AP4E1: variants seen among roughly 807,000 people sequenced by gnomAD.
The protein encoded by AP4E1 is adaptor related protein complex 4 subunit epsilon 1, also known as AP-4 complex subunit epsilon-1.
Under a neutral mutation model 128.2 loss-of-function variants are expected in AP4E1, and 56 were observed. The ratio of observed to expected loss-of-function variants is 0.44; its 90% CI spans 0.35 to 0.55. The LOEUF (loss-of-function observed/expected upper bound fraction) is 0.55. Among genes scored for constraint, AP4E1 ranks in the 20% least tolerant of loss-of-function variants. The pLI is 0.00. For synonymous variants in AP4E1, 484 were observed against 473.1 expected (o/e 1.02, Z -0.30); for missense variants, 1,324 against 1,307.7 (o/e 1.01, Z -0.19).
intron 15 of AP4E1, among the ~76,000 whole-genome samples, chr15:50,970,101 C>G (rs1213141993): frequency 6.6e-6 from 1 of 152,110 alleles, no homozygotes; most frequent in East Asian, 1.9e-4. Context: ...TTACCCCTAC[C>G]TTTCCTAGCG....
chr15:50,987,207 G>A (rs1365542450), intron 16 of AP4E1, among the ~76,000 whole-genome samples: 1 of 151,650 alleles, frequency 6.6e-6, no homozygotes, highest in Non-Finnish European at 1.5e-5. Flanking sequence ...TTTTTTATTA[G>A]TCTTGCTAGC....
chr15:50,941,951 C>G (rs892099140), intron 10 of AP4E1, among the ~76,000 whole-genome samples, 176 bp downstream of exon 10: 3 of 152,170 alleles, frequency 2.0e-5, no homozygotes, highest in African/African-American at 7.2e-5. Context: ...GAATCTCACT[C>G]TGTCACCCAG....
chr15:50,950,195 A>G (rs377334774), intron 13 of AP4E1, 26 bp downstream of exon 13: 11 of 1,446,112 alleles, frequency 7.6e-6, no homozygotes, highest in Middle Eastern at 3.6e-4. Flanking sequence ...TAAATCATAA[A>G]TTTTTATAAC....
rs2063714082 is a variant in AP4E1, at chr15:50,922,258, G to A, written c.347-1673G>A. The stretch of plus-strand genomic sequence containing the variant: ...TGAGGTGAAGGATTGCTTGAGCTTG[G>A]AAGGTAGAGGCTGCAGTGAGTTTTG... On this transcript the variant is annotated intron_variant, in intron 3 of 20. Transcript: ENST00000261842. 4.6e-5 allele frequency among the ~76,000 whole-genome samples: 7 copies of A among 151,964 alleles called. No homozygotes were observed. The South Asian group carries it at 1.5e-3, about 32-fold the overall frequency.
At chr15:50,972,633 A>G (rs896713740) in intron 15 of AP4E1, among the ~76,000 whole-genome samples, 13 of 152,042 alleles carry the variant, frequency 8.6e-5, no homozygotes, top group African/African-American at 3.1e-4. Flanking sequence ...CCTGTTTTCA[A>G]GTTTTGGATA....
Position 50,993,493 on chromosome 15 carries a change from G to T in AP4E1, c.2214G>T (p.Met738Ile). 1 of 1,613,960 alleles carries T rather than the reference G, an allele frequency of 6.2e-7. No homozygotes were observed. Among genetic ancestry groups the T allele is most frequent in the South Asian group, 1.1e-5 (1 of 91,082 alleles). Residue 738 changes from methionine to isoleucine, a missense_variant, in exon 17 of 21, where the codon ATG becomes ATT. Met to Ile is a conservative substitution (Grantham distance 10). Coordinates refer to ENST00000261842, the MANE Select transcript of AP4E1 (RefSeq NM_007347.5). ...TGCCTGTTCCTCAAGAGAGTATAATGGAGAATGTAGATCAAGCTATAACTA... is the reference window on the plus strand; with the variant it reads ...TGCCTGTTCCTCAAGAGAGTATAATTGAGAATGTAGATCAAGCTATAACTA... ...GALPVPQESI[M>I]ENVDQAITKK...
intron 3 of AP4E1, chr15:50,915,820 A>G: frequency 2.1e-6 from 1 of 477,568 alleles, no homozygotes; most frequent in Non-Finnish European, 3.8e-6. Context: ...TTAGATGACT[A>G]TATATGTCAG....
chr15:50,956,925 T>C (rs1041568211), intron 13 of AP4E1, among the ~76,000 whole-genome samples: 10 of 152,062 alleles, frequency 6.6e-5, no homozygotes, highest in African/African-American at 2.4e-4. Context: ...CGCGGGAGGG[T>C]GAGCATGCAG....
At chr15:50,975,741 T>G (rs966951659) in intron 15 of AP4E1, among the ~76,000 whole-genome samples, 8 of 152,204 alleles carry the variant, frequency 5.3e-5, no homozygotes, top group African/African-American at 1.4e-4. Flanking sequence ...AGCTTTGCTC[T>G]TTTTTCTCAA....
chr15:51,001,200 A>G lies in AP4E1; in HGVS notation c.3253+17A>G, dbSNP rs777740938. The G allele has an allele frequency of 6.2e-7, 1 of 1,610,010 alleles. No homozygotes were observed. The highest frequency in any genetic ancestry group is 1.1e-5 in the South Asian group (1 of 90,628). On this transcript the variant is annotated intron_variant, in intron 20 of 20. Coordinates refer to ENST00000261842, the MANE Select transcript of AP4E1 (RefSeq NM_007347.5). ...AGATTATAGGTTTGTAGAGTTATAAAAAGGCTATTCTGTGTTTATAGGAGC... is the reference window on the plus strand; with the variant it reads ...AGATTATAGGTTTGTAGAGTTATAAGAAGGCTATTCTGTGTTTATAGGAGC...
At chr15:50,941,317 A>G in intron 8 of AP4E1, 125 bp from the exon 9 acceptor site, 1 of 1,079,752 alleles carries the variant, frequency 9.3e-7, no homozygotes, top group Non-Finnish European at 1.4e-6. Context: ...TTCTGTGAAA[A>G]GTCCATAAAT....
intron 1 of AP4E1, among the ~76,000 whole-genome samples, chr15:50,910,065 G>A (rs1173963156): frequency 6.6e-6 from 1 of 152,004 alleles, no homozygotes; most frequent in Admixed American, 6.6e-5. Context: ...TGGCTCACTG[G>A]AGCGTCTGCC....
intron 13 of AP4E1, among the ~76,000 whole-genome samples, chr15:50,951,701 T>A (rs1364823185): frequency 6.6e-6 from 1 of 151,894 alleles, no homozygotes; most frequent in Non-Finnish European, 1.5e-5. Flanking sequence ...TACTTTTAGT[T>A]TAGTTTTTTC....
intron 11 of AP4E1, 89 bp downstream of exon 11, chr15:50,948,248 C>T (rs898130808): frequency 2.7e-6 from 4 of 1,490,956 alleles, no homozygotes; most frequent in Admixed American, 3.4e-5. Flanking sequence ...ACTTGCAAGT[C>T]GAGTTCAGAG....
At chr15:50,994,872 C>A (rs568569512) in intron 17 of AP4E1, among the ~76,000 whole-genome samples, 4 of 152,080 alleles carry the variant, frequency 2.6e-5, no homozygotes, top group South Asian at 2.1e-4. Context: ...AGTTTGAAAT[C>A]GGAAATATTA....
chr15:50,914,373 G>A (rs2063602740), intron 2 of AP4E1, among the ~76,000 whole-genome samples: 1 of 152,008 alleles, frequency 6.6e-6, no homozygotes, highest in African/African-American at 2.4e-5. Context: ...CTATGTGGAC[G>A]GGTGTGGTGG....
intron 14 of AP4E1, 85 bp downstream of exon 14, chr15:50,958,879 A>G: frequency 7.2e-7 from 1 of 1,385,124 alleles, no homozygotes. Context: ...TCAGGAATAT[A>G]TCAAAATGTG....
At chr15:50,956,997 A>G (rs553340790) in intron 13 of AP4E1, among the ~76,000 whole-genome samples, 2 of 152,232 alleles carry the variant, frequency 1.3e-5, no homozygotes, top group East Asian at 1.9e-4. Context: ...AAAACTCTGT[A>G]TGGGCCCCAT....
chr15:50,932,429 G>T (rs2063847732), intron 7 of AP4E1, among the ~76,000 whole-genome samples: 2 of 152,108 alleles, frequency 1.3e-5, no homozygotes, highest in African/African-American at 2.4e-5. Context: ...GTATGCATTT[G>T]CATGTGCACC....
Sources: allele counts gnomAD v4.1 joint callset (sites outside exome capture counted in the v4.1 genomes callset), GRCh38; gene constraint gnomAD v4.1.1; transcripts MANE v1.5; gene names NCBI Gene and HGNC (gene_info 2026-07-23, HGNC 2026-07-21).